Variants in IL23R observed in about 807,000 individuals in gnomAD.
The protein encoded by IL23R is interleukin 23 receptor.
A neutral mutation model predicts 56.9 loss-of-function variants in IL23R; 34 were observed. The observed-to-expected ratio is 0.60, with a 90% CI of 0.45 to 0.80. IL23R has a LOEUF of 0.80. IL23R is among the 30% of genes least tolerant of loss of function. IL23R has a pLI of 0.00. For missense variants in IL23R, 635 were observed against 730.0 expected (o/e 0.87, Z 1.50); for synonymous variants, 230 against 249.2 (o/e 0.92, Z 0.73).
chr1:67,148,312 T>C lies in IL23R; in HGVS notation c.-634+9151T>C, dbSNP rs191309022. Among the ~76,000 whole-genome samples, 97 of 152,218 alleles carry C rather than the reference T, an allele frequency of 6.4e-4. 1 individual carries two copies. In the East Asian group the frequency reaches 0.016, roughly 25 times the overall value. On this transcript the variant is annotated intron_variant, in intron 1 of 10. Transcript: ENST00000637002. ...ACCAGAAGAGTGTGCAGTTGCAAGATTTAATAGAGTGAAAACAGAGCTCCC... is the reference window on the plus strand; with the variant it reads ...ACCAGAAGAGTGTGCAGTTGCAAGACTTAATAGAGTGAAAACAGAGCTCCC...
At chr1:67,139,654 A>G (rs760095096) in intron 1 of IL23R, among the ~76,000 whole-genome samples, 2 of 152,108 alleles carry the variant, frequency 1.3e-5, no homozygotes, top group Non-Finnish European at 2.9e-5. Flanking sequence ...TCCCCTCCGA[A>G]AGTCATGTTG....
intron 1 of IL23R, among the ~76,000 whole-genome samples, chr1:67,167,439 A>AT (rs1464879263): frequency 2.6e-5 from 4 of 152,134 alleles, no homozygotes; most frequent in African/African-American, 9.7e-5. Context: ...ACTTTTCTTA[A>AT]TTTTGAATCC....
chr1:67,236,803 G>C lies in IL23R; in HGVS notation c.1045+1G>C. 1 of 1,593,102 alleles carries C rather than the reference G, an allele frequency of 6.3e-7. No individual in the cohort carries two copies. Among genetic ancestry groups the C allele is most frequent in the Non-Finnish European group, 8.6e-7 (1 of 1,161,128 alleles). ...ATCTCTACAGGGCACCTTACTTCTG[G>C]TAAGAAAATACAACTTAGGCTTTTT... is the stretch of plus-strand genomic sequence containing the variant. On this transcript the variant is annotated splice_donor_variant, in intron 8 of 10. Coordinates refer to ENST00000347310, the MANE Select transcript of IL23R (RefSeq NM_144701.3). LOFTEE classifies it high-confidence loss of function.
intron 4 of IL23R, among the ~76,000 whole-genome samples, chr1:67,197,071 G>A (rs1483102847): frequency 6.6e-6 from 1 of 152,212 alleles, no homozygotes; most frequent in Non-Finnish European, 1.5e-5. Flanking sequence ...AGGGGTCAGG[G>A]AAAAGGCAAA....
rs1653124168 is a variant in IL23R at position 67,259,452 on chromosome 1, G to C, written c.*324G>C. On this transcript the variant is annotated 3_prime_UTR_variant, in exon 11 of 11. Coordinates refer to ENST00000347310, the MANE Select transcript of IL23R (RefSeq NM_144701.3). ...TCTTCTGCCTCATTTCTTAAAATTAGAGAATTAAGGTCCCGAAGGTGGAAC... is the reference window on the plus strand; with the variant it reads ...TCTTCTGCCTCATTTCTTAAAATTACAGAATTAAGGTCCCGAAGGTGGAAC... 5.8e-6 allele frequency: 2 copies of C among 347,650 alleles called. No homozygotes were observed. The allele number at this position is 347,650 out of a possible 1,614,324, so 21.5% of individuals were successfully genotyped here. A position where few individuals can be genotyped will look rare whatever the true frequency, so the allele number is the denominator to read the frequency against.
At chr1:67,182,665 C>T (rs1056624782) in intron 3 of IL23R, among the ~76,000 whole-genome samples, 171 bp from the exon 4 acceptor site, 1 of 152,122 alleles carries the variant, frequency 6.6e-6, no homozygotes, top group Admixed American at 6.6e-5. Flanking sequence ...TCTGATAAAC[C>T]CCAGTGAGAT....
chr1:67,263,112 CTTTTTTTT>C (rs66482004), downstream of IL23R, among the ~76,000 whole-genome samples: 1 of 98,890 alleles, frequency 1.0e-5, no homozygotes, highest in Non-Finnish European at 2.0e-5. Context: ...AATTTCTTTC[CTTTTTTTT>C]TTTTTTTTTT....
At chr1:67,173,101 A>T (rs1247233072) in intron 3 of IL23R, among the ~76,000 whole-genome samples, 1 of 152,088 alleles carries the variant, frequency 6.6e-6, no homozygotes, top group Non-Finnish European at 1.5e-5. Context: ...AAAGAGCAAA[A>T]ACATAAGCCC....
intron 6 of IL23R, among the ~76,000 whole-genome samples, chr1:67,215,467 G>C (rs964337015): frequency 7.9e-5 from 12 of 152,186 alleles, no homozygotes; most frequent in African/African-American, 2.9e-4. Flanking sequence ...CAGAGGGCAA[G>C]AGTACCTAAG....
chr1:67,244,499 A>C (rs550325603), intron 9 of IL23R, among the ~76,000 whole-genome samples: 1 of 152,118 alleles, frequency 6.6e-6, no homozygotes, highest in Non-Finnish European at 1.5e-5. Flanking sequence ...ATAAGGTGCA[A>C]GGAAGGGATC....
chr1:67,167,841 C>A (rs1646891638), intron 1 of IL23R, among the ~76,000 whole-genome samples: 1 of 152,210 alleles, frequency 6.6e-6, no homozygotes, highest in African/African-American at 2.4e-5. Context: ...TGAGTTAATT[C>A]ATAGTGACTT....
intron 4 of IL23R, among the ~76,000 whole-genome samples, chr1:67,186,224 G>A (rs1465525806): frequency 6.6e-6 from 1 of 152,182 alleles, no homozygotes; most frequent in East Asian, 1.9e-4. Flanking sequence ...GTGCCAGATT[G>A]ACAGAGATAG....
chr1:67,179,829 CGTTG>C (rs1647069400), intron 3 of IL23R, among the ~76,000 whole-genome samples: 1 of 152,028 alleles, frequency 6.6e-6, no homozygotes, highest in South Asian at 2.1e-4. Context: ...TCTTTGTTCT[CGTTG>C]GTTTCAAAGA....
chr1:67,264,496 T>C (rs913181962), downstream of IL23R, among the ~76,000 whole-genome samples: 1 of 152,216 alleles, frequency 6.6e-6, no homozygotes, highest in Non-Finnish European at 1.5e-5. Context: ...AAAAACAACT[T>C]ATGAATCTCT....
intron 8 of IL23R, 57 bp downstream of exon 8, chr1:67,236,859 C>G: frequency 9.0e-7 from 1 of 1,106,470 alleles, no homozygotes; most frequent in Non-Finnish European, 1.4e-6. Flanking sequence ...CCCATTTTAA[C>G]CCATCATACT....
intron 1 of IL23R, among the ~76,000 whole-genome samples, chr1:67,151,398 T>C (rs1241997318): frequency 1.3e-5 from 2 of 152,226 alleles, no homozygotes; most frequent in Non-Finnish European, 2.9e-5. Flanking sequence ...ATTCTGTAGG[T>C]TGCCTGTTCA....
intron 4 of IL23R, among the ~76,000 whole-genome samples, chr1:67,190,778 C>T (rs962249629): frequency 1.5e-4 from 23 of 152,272 alleles, no homozygotes; most frequent in African/African-American, 4.8e-4. Flanking sequence ...GATTTTCACG[C>T]ACCGTAGAAG....
intron 1 of IL23R, among the ~76,000 whole-genome samples, chr1:67,153,948 T>G (rs915643099): frequency 6.6e-6 from 1 of 152,078 alleles, no homozygotes; most frequent in Non-Finnish European, 1.5e-5. Context: ...TTTGTATGTT[T>G]TAGTGGAGAC....
At chr1:67,214,038 G>C (rs574771147) in intron 6 of IL23R, among the ~76,000 whole-genome samples, 1 of 152,184 alleles carries the variant, frequency 6.6e-6, no homozygotes, top group Non-Finnish European at 1.5e-5. Flanking sequence ...GCTGGGAGGG[G>C]TGATACAAGC....
Sources: allele counts gnomAD v4.1 joint callset (sites outside exome capture counted in the v4.1 genomes callset), GRCh38; gene constraint gnomAD v4.1.1; transcripts MANE v1.5; gene names NCBI Gene and HGNC (gene_info 2026-07-23, HGNC 2026-07-21).